NME7: variants seen among roughly 807,000 people sequenced by gnomAD.
NME7 encodes the protein NME/NM23 family member 7.
NME7 carries 41 observed loss-of-function variants against 49.1 expected under a neutral mutation model. The observed-to-expected ratio is 0.83, with a 90% CI of 0.65 to 1.08. The LOEUF is 1.08. Ranked by LOEUF, NME7 falls within the 50% of genes least tolerant of loss-of-function variation. The pLI is 0.00. For synonymous variants in NME7, 139 were observed against 150.6 expected, an observed-to-expected ratio of 0.92 and a Z score of 0.56; for missense variants, 423 against 463.4, an observed-to-expected ratio of 0.91 and a Z score of 0.80.
chr1:169,325,448 A>T (rs1345281877), intron 1 of NME7, among the ~76,000 whole-genome samples: 1 of 151,974 alleles, frequency 6.6e-6, no homozygotes, highest in Non-Finnish European at 1.5e-5. Flanking sequence ...TGTGAAGTAC[A>T]CTCTTAGGGC....
At chr1:169,287,060 T>C in intron 7 of NME7, 1 of 411,768 alleles carries the variant, frequency 2.4e-6, no homozygotes, top group African/African-American at 2.1e-5. Flanking sequence ...TCTGTAACAG[T>C]ATGACTGAGC....
chr1:169,296,068 T>C (rs1232737532), intron 6 of NME7, among the ~76,000 whole-genome samples: 2 of 151,966 alleles, frequency 1.3e-5, no homozygotes, highest in Non-Finnish European at 2.9e-5. Context: ...TTTTACCCAA[T>C]ACCTCTCCTC....
intron 1 of NME7, among the ~76,000 whole-genome samples, chr1:169,326,494 A>G (rs1455402423): frequency 6.6e-6 from 1 of 152,106 alleles, no homozygotes; most frequent in Non-Finnish European, 1.5e-5. Context: ...GTCTCAAGTC[A>G]AGCAGACAAG....
At chr1:169,158,340 ATAC>A (rs1316718268) in intron 11 of NME7, among the ~76,000 whole-genome samples, 3 of 152,230 alleles carry the variant, frequency 2.0e-5, no homozygotes, top group African/African-American at 7.2e-5. Flanking sequence ...ATATTTCCTC[ATAC>A]TACTCAGAAC....
intron 3 of NME7, among the ~76,000 whole-genome samples, chr1:169,315,053 T>G (rs1055465479): frequency 1.8e-4 from 27 of 152,048 alleles, no homozygotes; most frequent in African/African-American, 6.3e-4. Flanking sequence ...ATATAAAGAC[T>G]AACATAACTA....
At chr1:169,306,392 A>G (rs12118611) in intron 4 of NME7, among the ~76,000 whole-genome samples, 36,720 of 152,130 alleles carry the variant, frequency 0.24, 5,474 homozygotes, top group Non-Finnish European at 0.34. Flanking sequence ...AGAAGGTAGT[A>G]AGTCAAGAAG....
At chr1:169,346,455 A>T (rs562034855) in intron 1 of NME7, among the ~76,000 whole-genome samples, 2 of 152,232 alleles carry the variant, frequency 1.3e-5, no homozygotes, top group Admixed American at 1.3e-4. Flanking sequence ...TTTTTCCCCA[A>T]TATTTACATG....
In NME7 at chr1:169,257,571, G is replaced by A. The variant is rs369563743; in HGVS notation, c.755-19884C>T. Among the ~76,000 whole-genome samples the A allele has an allele frequency of 1.4e-3, 183 of 133,862 alleles. 31 individuals are homozygous for A. In the South Asian group the frequency reaches 0.04, roughly 29 times the overall value. The allele number at this position is 133,862 out of a possible 152,430, so 87.8% of individuals were successfully genotyped here. Reference sequence around the variant, plus strand: ...CTGTAGACCGGAGCTGTTCCTATTCGGCCATCTTGGCTCCTCCCCCTCTGG... The same window carrying A: ...CTGTAGACCGGAGCTGTTCCTATTCAGCCATCTTGGCTCCTCCCCCTCTGG... On this transcript the variant is annotated intron_variant, in intron 7 of 11. Transcript: ENST00000367811.
intron 6 of NME7, among the ~76,000 whole-genome samples, chr1:169,290,963 C>T (rs905153214): frequency 3.9e-5 from 6 of 152,070 alleles, no homozygotes; most frequent in Non-Finnish European, 2.9e-5. Context: ...CAATGAGATA[C>T]CATCTCATGC....
At chr1:169,325,946 T>TG (rs1652043908) in intron 1 of NME7, among the ~76,000 whole-genome samples, 1 of 152,116 alleles carries the variant, frequency 6.6e-6, no homozygotes, top group African/African-American at 2.4e-5. Context: ...TACAGCTTTT[T>TG]TGAGTTTAGG....
intron 7 of NME7, chr1:169,287,012 G>GAAAGAGA (rs1227030454): frequency 1.2e-5 from 3 of 254,020 alleles, no homozygotes; most frequent in Non-Finnish European, 2.2e-5. Context: ...TTTGTGATTA[G>GAAAGAGA]AAAGAGAGAA....
intron 7 of NME7, among the ~76,000 whole-genome samples, chr1:169,249,611 G>C (rs1648476579): frequency 6.6e-6 from 1 of 152,088 alleles, no homozygotes; most frequent in Non-Finnish European, 1.5e-5. Context: ...GATGTTAGCT[G>C]TGGGTCTGTC....
At chr1:169,306,618 C>G (rs1295224982) in intron 4 of NME7, among the ~76,000 whole-genome samples, 1 of 152,034 alleles carries the variant, frequency 6.6e-6, no homozygotes, top group Non-Finnish European at 1.5e-5. Flanking sequence ...TTGACAGTTG[C>G]AGAGAGAAGT....
At chr1:169,355,283 TAATATATTG>T (rs1653414696) in intron 1 of NME7, among the ~76,000 whole-genome samples, 1 of 101,490 alleles carries the variant, frequency 9.9e-6, no homozygotes, top group Non-Finnish European at 1.8e-5. Flanking sequence ...ATATTATATA[TAATATATTG>T]TATATTATAT....
chr1:169,156,702 A>G (rs968200222), intron 11 of NME7, among the ~76,000 whole-genome samples: 4 of 152,214 alleles, frequency 2.6e-5, no homozygotes, highest in Admixed American at 1.3e-4. Flanking sequence ...GAGAAACAGA[A>G]AGACCTATGA....
chr1:169,367,612 G>A (rs1387515847), intron 1 of NME7, 96 bp downstream of exon 1: 2 of 1,385,590 alleles, frequency 1.4e-6, no homozygotes, highest in Non-Finnish European at 2.1e-6. Flanking sequence ...AAGGTCGGGA[G>A]GACCGGACAA....
Position 169,298,577 on chromosome 1 carries a change from A to C in NME7, c.627T>G (p.Asp209Glu), listed in dbSNP as rs1233187055. 1.9e-6 allele frequency: 3 copies of C among 1,613,926 alleles called. No homozygotes were observed. In the South Asian group the frequency reaches 3.3e-5, roughly 18 times the overall value. The change falls in exon 6 of 12, where the codon GAT becomes GAG. Residue 209 changes from aspartate to glutamate, a missense_variant. By Grantham distance (45) the Asp-to-Glu change is conservative. Coordinates refer to ENST00000367811, the MANE Select transcript of NME7 (RefSeq NM_013330.5). ...DGIRNAAHGP[D>E]SFASAAREME... ...TTACTCTGGCCGCAGAAGCAAAAGAATCAGGGCCATGCGCTGCATTTCTTA... is the reference window on the plus strand; with the variant it reads ...TTACTCTGGCCGCAGAAGCAAAAGACTCAGGGCCATGCGCTGCATTTCTTA...
intron 7 of NME7, among the ~76,000 whole-genome samples, chr1:169,242,205 C>T (rs148492699): frequency 4.6e-5 from 7 of 151,958 alleles, no homozygotes; most frequent in African/African-American, 1.2e-4. Flanking sequence ...GACCAAGAGA[C>T]GTTAATTTCA....
At chr1:169,195,333 T>C (rs1231357494) in intron 10 of NME7, among the ~76,000 whole-genome samples, 1 of 152,164 alleles carries the variant, frequency 6.6e-6, no homozygotes, top group African/African-American at 2.4e-5. Context: ...CACCTCAGCT[T>C]CCTGAGTCGC....
Sources: allele counts gnomAD v4.1 joint callset (sites outside exome capture counted in the v4.1 genomes callset), GRCh38; gene constraint gnomAD v4.1.1; transcripts MANE v1.5; gene names NCBI Gene and HGNC (gene_info 2026-07-23, HGNC 2026-07-21).